RIMS1: variants seen among roughly 807,000 people sequenced by gnomAD.
RIMS1 encodes the protein regulating synaptic membrane exocytosis protein 1.
In RIMS1, 83 loss-of-function variants were observed where a neutral mutation model predicts 214.1. The observed-to-expected ratio is 0.39, with a 90% confidence interval of 0.32 to 0.47. The LOEUF (loss-of-function observed/expected upper bound fraction) is 0.47, where lower values mean the gene tolerates loss of function less well. Ranked by LOEUF, RIMS1 falls within the 20% of genes least tolerant of loss-of-function variation. The pLI, the probability that RIMS1 is intolerant of heterozygous loss-of-function variation, is 0.99. For synonymous variants in RIMS1, 793 were observed against 786.8 expected (o/e 1.01, Z -0.13); for missense variants, 2,050 against 2,161.8 (o/e 0.95, Z 1.03).
At chr6:72,022,192 A>T (rs1458778715) in intron 2 of RIMS1, among the ~76,000 whole-genome samples, 1 of 152,198 alleles carries the variant, frequency 6.6e-6, no homozygotes, top group African/African-American at 2.4e-5. Context: ...TTTTCCAAAA[A>T]ATATTTACAG....
chr6:72,096,410 T>C (rs1388793420), intron 2 of RIMS1, among the ~76,000 whole-genome samples: 1 of 152,180 alleles, frequency 6.6e-6, no homozygotes, highest in Non-Finnish European at 1.5e-5. Context: ...CCCAGCAACA[T>C]AGTCTAAAAC....
intron 4 of RIMS1, among the ~76,000 whole-genome samples, chr6:72,117,775 G>A (rs531454753): frequency 3.9e-5 from 6 of 152,034 alleles, no homozygotes; most frequent in African/African-American, 1.4e-4. Context: ...TACGGCAAAA[G>A]CAATGTTAAG....
intron 6 of RIMS1, among the ~76,000 whole-genome samples, chr6:72,198,153 A>G (rs116248079): frequency 2.0e-3 from 302 of 152,256 alleles, no homozygotes; most frequent in Middle Eastern, 6.8e-3. Flanking sequence ...ACCTGCGCTC[A>G]CATGTTTATT....
chr6:72,094,268 A>G (rs2030396421), intron 2 of RIMS1, among the ~76,000 whole-genome samples: 1 of 152,200 alleles, frequency 6.6e-6, no homozygotes, highest in African/African-American at 2.4e-5. Context: ...GTTTGGTAGA[A>G]GAGAGGTGTT....
At chr6:72,162,259 T>A (rs1201163983) in intron 4 of RIMS1, among the ~76,000 whole-genome samples, 1 of 140,596 alleles carries the variant, frequency 7.1e-6, no homozygotes. Flanking sequence ...CCTTCATCCC[T>A]TTATTTTGAG....
intron 4 of RIMS1, among the ~76,000 whole-genome samples, chr6:72,167,353 T>G (rs1275855188): frequency 6.6e-6 from 1 of 152,188 alleles, no homozygotes; most frequent in South Asian, 2.1e-4. Context: ...TGCTTCCCTG[T>G]TTGAGAGACA....
At position 72,212,579 on chromosome 6, in the gene RIMS1, G is replaced by A. The variant is rs146352220; in HGVS notation, c.1679-21194G>A. ...TACTGAACAAAAGCAGAAGAGTTAGGTTAAGAAATCATTCTATGGGCCAAT... is the reference window on the plus strand; with the variant it reads ...TACTGAACAAAAGCAGAAGAGTTAGATTAAGAAATCATTCTATGGGCCAAT... On this transcript the variant is annotated intron_variant, in intron 6 of 33. Transcript: ENST00000521978. 5.9e-5 allele frequency among the ~76,000 whole-genome samples: 9 copies of A among 152,212 alleles called. No individual in the cohort carries two copies. The East Asian group carries it at 1.7e-3, about 29-fold the overall frequency.
At position 72,284,045 on chromosome 6, in the gene RIMS1, A is replaced by G. The variant is rs2091390724; in HGVS notation, c.3483-2A>G. ...TTTTGTGTTTAACATTTCATTCCAC[A>G]GGCACTCCAGAAAGTCTGAAAGATC... On this transcript the variant is annotated splice_acceptor_variant, in intron 23 of 33. Coordinates refer to ENST00000521978, the MANE Select transcript of RIMS1 (RefSeq NM_014989.7). LOFTEE classifies it high-confidence loss of function. 6.2e-7 allele frequency: 1 copy of G among 1,610,882 alleles called. No individual in the cohort carries two copies. The highest frequency in any genetic ancestry group is 8.5e-7 in the Non-Finnish European group (1 of 1,177,544).
At chr6:72,213,156 G>T (rs1462760540) in intron 6 of RIMS1, 1 of 1,536,882 alleles carries the variant, frequency 6.5e-7, no homozygotes, top group Non-Finnish European at 8.7e-7. Flanking sequence ...CTCTTCAGAA[G>T]GGTGGGAAGA....
intron 8 of RIMS1, among the ~76,000 whole-genome samples, chr6:72,237,171 A>C (rs1045258871): frequency 2.0e-5 from 3 of 149,924 alleles, no homozygotes; most frequent in African/African-American, 7.4e-5. Context: ...ACATCAACAC[A>C]CTCCTCTGTG....
intron 2 of RIMS1, among the ~76,000 whole-genome samples, chr6:72,090,120 T>G (rs1474053487): frequency 6.6e-6 from 1 of 151,896 alleles, no homozygotes; most frequent in Admixed American, 6.6e-5. Context: ...CGTATACATA[T>G]GTAACTAACC....
intron 6 of RIMS1, 58 bp downstream of exon 6, chr6:72,183,207 A>T: frequency 1.3e-6 from 2 of 1,534,104 alleles, no homozygotes; most frequent in Non-Finnish European, 1.8e-6. Flanking sequence ...GCGTGGGCAG[A>T]GGTGCAGGTG....
At chr6:71,933,545 A>C (rs1400865308) in intron 1 of RIMS1, among the ~76,000 whole-genome samples, 1 of 152,086 alleles carries the variant, frequency 6.6e-6, no homozygotes, top group African/African-American at 2.4e-5. Flanking sequence ...ACGGAAATGG[A>C]CTTTTTTATT....
At chr6:72,062,467 G>A (rs1241187892) in intron 2 of RIMS1, among the ~76,000 whole-genome samples, 1 of 152,088 alleles carries the variant, frequency 6.6e-6, no homozygotes, top group Admixed American at 6.6e-5. Flanking sequence ...GTTAAAAACA[G>A]CAGAAACCCC....
chr6:72,246,887 G>A (rs1186926115), intron 11 of RIMS1, among the ~76,000 whole-genome samples: 1 of 152,044 alleles, frequency 6.6e-6, no homozygotes, highest in East Asian at 1.9e-4. Context: ...AATATACCTG[G>A]GAAAAGACAC....
chr6:72,275,160 A>C (rs1290834765), intron 23 of RIMS1, among the ~76,000 whole-genome samples: 5 of 20,038 alleles, frequency 2.5e-4, no homozygotes, highest in African/African-American at 9.4e-4. Context: ...ATATATATAT[A>C]TATATATATA....
intron 29 of RIMS1, among the ~76,000 whole-genome samples, chr6:72,335,231 G>A (rs2096799211): frequency 6.6e-6 from 1 of 151,654 alleles, no homozygotes; most frequent in African/African-American, 2.4e-5. Flanking sequence ...CCTCCCCTAG[G>A]CCCCCACCTG....
At chr6:72,239,299 A>G (rs940309957) in intron 9 of RIMS1, among the ~76,000 whole-genome samples, 12 of 152,184 alleles carry the variant, frequency 7.9e-5, no homozygotes, top group Non-Finnish European at 1.5e-4. Flanking sequence ...TCTATATAAA[A>G]TATCTGTTAG....
chr6:72,359,534 G>A (rs2097757329), intron 29 of RIMS1, among the ~76,000 whole-genome samples: 1 of 151,814 alleles, frequency 6.6e-6, no homozygotes, highest in Admixed American at 6.6e-5. Context: ...AGCCAGTTAG[G>A]CACGTCTTCA....
Sources: gnomAD v4.1 joint callset for allele counts (sites outside exome capture counted in the v4.1 genomes callset) on GRCh38, gnomAD v4.1.1 for gene constraint, MANE v1.5 for transcripts, NCBI Gene and HGNC (gene_info 2026-07-23, HGNC 2026-07-21) for gene names.